PEPD: variants seen among roughly 807,000 people sequenced by gnomAD.
PEPD encodes the protein xaa-Pro dipeptidase.
Under a neutral mutation model 60.7 loss-of-function variants are expected in PEPD, and 53 were observed. The ratio of observed to expected loss-of-function variants is 0.87; its 90% confidence interval spans 0.70 to 1.10. PEPD has a LOEUF of 1.10. Among genes scored for constraint, PEPD ranks in the 50% least tolerant of loss-of-function variants. PEPD has a pLI of 0.00. For missense variants in PEPD, 711 were observed against 711.9 expected (o/e 1.00, Z 0.01); for synonymous variants, 267 against 284.1 (o/e 0.94, Z 0.60).
intron 9 of PEPD, among the ~76,000 whole-genome samples, chr19:33,428,665 G>C (rs1245343414): frequency 3.3e-5 from 5 of 152,116 alleles, no homozygotes; most frequent in African/African-American, 4.8e-5. Flanking sequence ...CCCTCTGTAG[G>C]CAAGTCCCTC....
intron 11 of PEPD, among the ~76,000 whole-genome samples, chr19:33,405,099 G>A (rs1420104219): frequency 6.6e-6 from 1 of 152,200 alleles, no homozygotes; most frequent in Non-Finnish European, 1.5e-5. Context: ...GAGACAGGAT[G>A]CATCTCCAAA....
At chr19:33,496,594 C>T (rs188726473) in intron 4 of PEPD, among the ~76,000 whole-genome samples, 31 of 152,326 alleles carry the variant, frequency 2.0e-4, no homozygotes, top group Admixed American at 7.2e-4. Context: ...TGCTGGCTCC[C>T]GATGTATCCC....
intron 9 of PEPD, among the ~76,000 whole-genome samples, chr19:33,418,372 G>A (rs1036319935): frequency 2.6e-5 from 4 of 152,182 alleles, no homozygotes; most frequent in East Asian, 1.9e-4. Context: ...CGAGCAGAGC[G>A]TGCCTTATGG....
At chr19:33,418,667 T>C (rs1446439133) in intron 9 of PEPD, among the ~76,000 whole-genome samples, 5 of 152,206 alleles carry the variant, frequency 3.3e-5, no homozygotes, top group African/African-American at 1.2e-4. Context: ...GTCCTGGCTC[T>C]TTTAGCACTG....
At position 33,402,647 on chromosome 19, in the gene PEPD, A is replaced by G. The variant is rs567649881; in HGVS notation, c.819-778T>C. ...AAGGCTTTCCCAGGGCCTGCTGGCC[A>G]CATGTCCCCGAAGCCAGGTGGGCCC... On this transcript the variant is annotated intron_variant, in intron 11 of 14. Coordinates refer to ENST00000244137, the MANE Select transcript of PEPD (RefSeq NM_000285.4). Among the ~76,000 whole-genome samples the G allele has an allele frequency of 3.9e-5, 6 of 152,306 alleles. No homozygotes were observed. The East Asian group carries it at 7.7e-4, about 20-fold the overall frequency.
rs1272852928 is a variant in PEPD at position 33,387,201 on chromosome 19, C to CTGTT, written c.*139_*142dup. On this transcript the variant is annotated 3_prime_UTR_variant, in exon 15 of 15. Coordinates refer to ENST00000244137, the MANE Select transcript of PEPD (RefSeq NM_000285.4). ...AGTGTTTCCTCCCCGGGAAACAGCACTGTTTGGTCTGATCAAATGCCGAAG... is the reference window on the plus strand; with the variant it reads ...AGTGTTTCCTCCCCGGGAAACAGCACTGTTTGTTTGGTCTGATCAAATGCCGAAG... The CTGTT allele has an allele frequency of 2.0e-5, 19 of 945,506 alleles. No homozygotes were observed. The highest frequency in any genetic ancestry group is 6.7e-4 in the Middle Eastern group (2 of 3,002). The allele number at this position is 945,506 out of a possible 1,614,324, so 58.6% of individuals were successfully genotyped here.
intron 4 of PEPD, among the ~76,000 whole-genome samples, chr19:33,494,288 G>C (rs1241743925): frequency 6.6e-6 from 1 of 152,186 alleles, no homozygotes; most frequent in African/African-American, 2.4e-5. Context: ...CCGAAACGCA[G>C]GGGGAGAGTG....
intron 1 of PEPD, among the ~76,000 whole-genome samples, chr19:33,518,357 G>A (rs1007492176): frequency 6.6e-6 from 1 of 152,142 alleles, no homozygotes; most frequent in African/African-American, 2.4e-5. Context: ...GTCGGCCTGA[G>A]TCTTCTGCTC....
At chr19:33,464,329 C>T (rs142663324) in intron 7 of PEPD, among the ~76,000 whole-genome samples, 299 of 152,302 alleles carry the variant, frequency 2.0e-3, no homozygotes, top group African/African-American at 6.7e-3. Flanking sequence ...ATCTGGAAGC[C>T]GCTGCGGTGG....
intron 9 of PEPD, among the ~76,000 whole-genome samples, chr19:33,461,845 C>T (rs370951935): frequency 6.6e-4 from 101 of 152,304 alleles, no homozygotes; most frequent in African/African-American, 2.4e-3. Context: ...CCCCGGCTGA[C>T]GGAGCTGGGC....
At chr19:33,409,188 G>A (rs1968708115) in intron 11 of PEPD, among the ~76,000 whole-genome samples, 1 of 152,222 alleles carries the variant, frequency 6.6e-6, no homozygotes. Flanking sequence ...ACTTCTTCTG[G>A]GGTGTGCTGA....
At chr19:33,426,564 A>G (rs1969154205) in intron 9 of PEPD, among the ~76,000 whole-genome samples, 1 of 152,208 alleles carries the variant, frequency 6.6e-6, no homozygotes, top group South Asian at 2.1e-4. Context: ...GCTCTGGAGA[A>G]GAGAGGAGAA....
chr19:33,406,881 G>C (rs1968639146), intron 11 of PEPD, among the ~76,000 whole-genome samples: 1 of 152,184 alleles, frequency 6.6e-6, no homozygotes, highest in Non-Finnish European at 1.5e-5. Flanking sequence ...ACTGGTGGCT[G>C]CTGAGTGTGA....
At chr19:33,510,972 A>AC in intron 3 of PEPD, 56 bp downstream of exon 3, 1 of 1,571,558 alleles carries the variant, frequency 6.4e-7, no homozygotes, top group Non-Finnish European at 8.6e-7. Context: ...CACCTCCCCT[A>AC]CCCACCCCCA....
intron 9 of PEPD, among the ~76,000 whole-genome samples, chr19:33,420,875 T>G (rs565131618): frequency 2.0e-5 from 3 of 152,276 alleles, no homozygotes; most frequent in Admixed American, 2.0e-4. Flanking sequence ...TCCTGGTCAG[T>G]CTCTCTTCCC....
rs137937542 is a variant in PEPD at position 33,512,417 on chromosome 19, C to T, written c.201+176G>A. On this transcript the variant is annotated intron_variant, in intron 2 of 14. Transcript: ENST00000244137. Reference sequence around the variant, plus strand: ...CCTGCAGCTGGGCCACCCGCTGCCCCACATCTTCAAGTTCTACATCTTCAA... The same window carrying T: ...CCTGCAGCTGGGCCACCCGCTGCCCTACATCTTCAAGTTCTACATCTTCAA... 2.6e-3 allele frequency among the ~76,000 whole-genome samples: 390 copies of T among 152,284 alleles called. 1 individual carries two copies. Among genetic ancestry groups the T allele is most frequent in the Middle Eastern group, 0.02 (6 of 294 alleles).
At chr19:33,433,351 A>G (rs1481557271) in intron 9 of PEPD, among the ~76,000 whole-genome samples, 1 of 152,220 alleles carries the variant, frequency 6.6e-6, no homozygotes. Flanking sequence ...CGCCCACTCC[A>G]CAAACACACA....
chr19:33,501,538 G>A (rs985714794), intron 3 of PEPD, among the ~76,000 whole-genome samples: 2 of 152,076 alleles, frequency 1.3e-5, no homozygotes, highest in African/African-American at 2.4e-5. Context: ...AAATTAGGGC[G>A]CGGTGGCGGG....
chr19:33,424,794 A>G (rs1483758802), intron 9 of PEPD, among the ~76,000 whole-genome samples: 1 of 152,166 alleles, frequency 6.6e-6, no homozygotes, highest in Non-Finnish European at 1.5e-5. Context: ...GGTGGAAGAC[A>G]AGAAGGAGCA....
Sources: allele counts gnomAD v4.1 joint callset (sites outside exome capture counted in the v4.1 genomes callset), GRCh38; gene constraint gnomAD v4.1.1; transcripts MANE v1.5; gene names NCBI Gene and HGNC (gene_info 2026-07-23, HGNC 2026-07-21).